GGT1: variants seen among roughly 807,000 people sequenced by gnomAD.
GGT1 encodes the protein glutathione hydrolase 1 proenzyme.
Under a neutral mutation model 56.0 loss-of-function variants are expected in GGT1, and 21 were observed. The observed-to-expected ratio is 0.38, with a 90% CI of 0.27 to 0.54. GGT1 has a LOEUF of 0.54. Ranked by LOEUF, GGT1 falls within the 20% of genes least tolerant of loss-of-function variation. The pLI is 0.82. For synonymous variants in GGT1, 238 were observed against 342.6 expected (o/e 0.69, Z 3.37); for missense variants, 466 against 787.0 (o/e 0.59, Z 4.88).
the GGT1 span, chr22:24,588,697 G>C: frequency 4.6e-6 from 5 of 1,092,808 alleles, no homozygotes; most frequent in Non-Finnish European, 5.6e-6. Flanking sequence ...GAGGAGGCCA[G>C]ACCAGGCCCC....
At chr22:24,618,014 A>C (rs1288246381) in intron 7 of GGT1, among the ~76,000 whole-genome samples, 2 of 152,120 alleles carry the variant, frequency 1.3e-5, no homozygotes, top group Admixed American at 1.3e-4. Flanking sequence ...TCACCAGAGA[A>C]CTTGGCAAGT....
At chr22:24,586,186 G>T in the GGT1 span, 156 of 1,613,642 alleles carry the variant, frequency 9.7e-5, 1 homozygote, top group Non-Finnish European at 1.3e-4. Context: ...GTCGGTTGCC[G>T]TTGAGCAGGA....
chr22:24,591,261 C>T (rs1338617897), upstream of GGT1, among the ~76,000 whole-genome samples: 2 of 152,182 alleles, frequency 1.3e-5, no homozygotes, highest in Non-Finnish European at 2.9e-5. Flanking sequence ...GTATTTTTAG[C>T]AGGGAAGGGG....
chr22:24,627,036 G>C (rs2047830533), intron 11 of GGT1: 1 of 373,404 alleles, frequency 2.7e-6, no homozygotes, highest in Non-Finnish European at 5.1e-6. Context: ...CCCCTTACCT[G>C]GCTTGTGGTT....
intron 7 of GGT1, among the ~76,000 whole-genome samples, chr22:24,618,604 G>C (rs529181624): frequency 2.6e-5 from 4 of 152,214 alleles, no homozygotes; most frequent in Non-Finnish European, 5.9e-5. Flanking sequence ...AACAAACAAA[G>C]AAGAAAAACA....
At chr22:24,592,880 G>A, upstream of GGT1, 1 of 1,283,018 alleles carries the variant, frequency 7.8e-7, no homozygotes, top group Non-Finnish European at 9.9e-7. Flanking sequence ...AGGAGGCGCA[G>A]CAGCTGCCGG....
chr22:24,617,931 C>T (rs1187837952), intron 7 of GGT1, among the ~76,000 whole-genome samples: 4 of 151,842 alleles, frequency 2.6e-5, no homozygotes, highest in African/African-American at 7.3e-5. Flanking sequence ...TGCTGGGATG[C>T]AGGGGCAGCT....
At chr22:24,603,840 C>T (rs1266999338) in intron 1 of GGT1, among the ~76,000 whole-genome samples, 3 of 151,832 alleles carry the variant, frequency 2.0e-5, no homozygotes, top group South Asian at 2.1e-4. Context: ...ATGCTTGCCT[C>T]GCTCCTGGGT....
the GGT1 span, chr22:24,586,405 C>CT: frequency 5.0e-6 from 8 of 1,610,600 alleles, no homozygotes; most frequent in African/African-American, 1.3e-5. Flanking sequence ...GGAGGCTGCT[C>CT]TTGAGGCTAT....
At chr22:24,610,848 TAAGC>T (rs984356530) in intron 4 of GGT1, among the ~76,000 whole-genome samples, 1 of 146,494 alleles carries the variant, frequency 6.8e-6, no homozygotes, top group Non-Finnish European at 1.5e-5. Flanking sequence ...GCTCTGAAGA[TAAGC>T]AGGGAGGATT....
At chr22:24,586,542 A>C in the GGT1 span, 1 of 1,033,778 alleles carries the variant, frequency 9.7e-7, no homozygotes. Flanking sequence ...TGTCTTTCGT[A>C]TTTTTTGAGA....
At chr22:24,587,513 T>C in the GGT1 span, among the ~76,000 whole-genome samples, 35 of 152,130 alleles carry the variant, frequency 2.3e-4, no homozygotes, top group African/African-American at 8.4e-4. Context: ...AGGCCCAAGG[T>C]GGGACAGGGG....
chr22:24,601,933 A>G (rs376866944), upstream of GGT1, among the ~76,000 whole-genome samples: 199 of 152,272 alleles, frequency 1.3e-3, no homozygotes, highest in African/African-American at 4.3e-3. Flanking sequence ...CCCTCTGCCC[A>G]GCTCCTGTAA....
Position 24,626,518 on chromosome 22 carries a change from G to A in GGT1, c.1021-914G>A, listed in dbSNP as rs370423760. 6.4e-4 allele frequency among the ~76,000 whole-genome samples: 97 copies of A among 150,982 alleles called. No individual in the cohort carries two copies. In the South Asian group the frequency reaches 0.019, roughly 30 times the overall value. On this transcript the variant is annotated intron_variant, in intron 11 of 15. Transcript: ENST00000400382. The stretch of plus-strand genomic sequence containing the variant: ...CTTATTTATTTATTTTTTTTAATAC[G>A]TGCACCCATGCTCTTCAGGTCTGAT...
chr22:24,608,801 C>G (rs2046479023), intron 2 of GGT1, among the ~76,000 whole-genome samples: 1 of 152,184 alleles, frequency 6.6e-6, no homozygotes, highest in Non-Finnish European at 1.5e-5. Context: ...GGATTACAGG[C>G]ACCTGCCACC....
In GGT1 at chr22:24,625,013, C is replaced by A. The variant is rs188686595; in HGVS notation, c.1020+1097C>A. ...TCGCACCTACAAAAATGTAAAAAAA[C>A]CCCAAAACTGCCCAAGCATCAATGC... On this transcript the variant is annotated intron_variant, in intron 11 of 15. Transcript: ENST00000400382. 4.0e-3 allele frequency among the ~76,000 whole-genome samples: 604 copies of A among 152,202 alleles called. 4 individuals carry two copies. The highest frequency in any genetic ancestry group is 0.012 in the African/African-American group (515 of 41,510).
intron 1 of GGT1, among the ~76,000 whole-genome samples, chr22:24,605,957 A>T (rs1396778433): frequency 1.9e-4 from 13 of 67,672 alleles, no homozygotes; most frequent in African/African-American, 6.5e-4. Flanking sequence ...TATTATATAT[A>T]ATATATTACA....
Position 24,623,845 on chromosome 22 carries a change from G to A in GGT1, c.949G>A (p.Val317Ile), listed in dbSNP as rs757411384. 2.7e-5 allele frequency: 43 copies of A among 1,611,802 alleles called. No individual in the cohort carries two copies. The highest frequency in any genetic ancestry group is 2.2e-4 in the South Asian group (20 of 90,990). ...GAAGGGCCTGACGTACCACCGCATC[G>A]TAGAGGCTTTCCGGTTTGCCTACGC... ...EQKGLTYHRI[V>I]EAFRFAYAKR... The change falls in exon 11 of 16, where the codon GTA becomes ATA. Residue 317 changes from valine to isoleucine, a missense_variant. Transcript: ENST00000400382.
intron 5 of GGT1, among the ~76,000 whole-genome samples, chr22:24,612,581 C>T (rs2046788603): frequency 6.6e-6 from 1 of 151,398 alleles, no homozygotes; most frequent in East Asian, 1.9e-4. Flanking sequence ...GGCTGGAGTG[C>T]AGTGGCGCAA....
Sources: allele counts gnomAD v4.1 joint callset (sites outside exome capture counted in the v4.1 genomes callset), GRCh38; gene constraint gnomAD v4.1.1; transcripts MANE v1.5; gene names NCBI Gene and HGNC (gene_info 2026-07-23, HGNC 2026-07-21).